Variants in NRXN1 observed in about 807,000 individuals in gnomAD.
NRXN1 encodes neurexin-1.
A neutral mutation model predicts 150.9 loss-of-function variants in NRXN1; 39 were observed. That is an observed-to-expected ratio of 0.26 (90% CI 0.20 to 0.34). NRXN1 has a LOEUF of 0.34. Ranked by LOEUF, NRXN1 falls within the 10% of genes least tolerant of loss-of-function variation. The pLI is 1.00. For missense variants in NRXN1, 1,815 were observed against 1,949.9 expected (o/e 0.93, Z 1.30); for synonymous variants, 924 against 757.0 (o/e 1.22, Z -3.62).
At chr2:50,936,923 A>C (rs1296798017) in intron 2 of NRXN1, among the ~76,000 whole-genome samples, 4 of 152,136 alleles carry the variant, frequency 2.6e-5, no homozygotes, top group Admixed American at 2.6e-4. Flanking sequence ...GAAACTACGA[A>C]TCATTGGAGA....
At chr2:50,267,522 T>C (rs2069039033) in intron 17 of NRXN1, among the ~76,000 whole-genome samples, 1 of 152,184 alleles carries the variant, frequency 6.6e-6, no homozygotes, top group African/African-American at 2.4e-5. Context: ...ACCAACTTTT[T>C]AACTTTTTCA....
At chr2:50,183,792 T>A (rs1052874353) in intron 18 of NRXN1, among the ~76,000 whole-genome samples, 1 of 151,618 alleles carries the variant, frequency 6.6e-6, no homozygotes, top group Non-Finnish European at 1.5e-5. Flanking sequence ...CTTGAGAAAA[T>A]TTGTTTTAAG....
At chr2:50,927,059 C>G (rs190180760) in intron 2 of NRXN1, among the ~76,000 whole-genome samples, 1 of 151,846 alleles carries the variant, frequency 6.6e-6, no homozygotes, top group African/African-American at 2.4e-5. Context: ...GTAAACTCTA[C>G]CCATGTTGAC....
At chr2:50,723,143 G>A (rs1191433240) in intron 5 of NRXN1, among the ~76,000 whole-genome samples, 1 of 152,080 alleles carries the variant, frequency 6.6e-6, no homozygotes, top group Non-Finnish European at 1.5e-5. Context: ...GTAAATCCCT[G>A]AAAGTGTTAA....
intron 5 of NRXN1, among the ~76,000 whole-genome samples, chr2:50,686,680 G>C (rs1158081899): frequency 1.3e-5 from 2 of 152,304 alleles, no homozygotes; most frequent in South Asian, 2.1e-4. Flanking sequence ...CCTTGATTCT[G>C]CTGTATCCAC....
At chr2:50,882,504 C>G (rs1044819433) in intron 5 of NRXN1, among the ~76,000 whole-genome samples, 5 of 151,788 alleles carry the variant, frequency 3.3e-5, no homozygotes, top group African/African-American at 1.2e-4. Flanking sequence ...AGAGTTTAAA[C>G]CATGTTTATC....
intron 18 of NRXN1, among the ~76,000 whole-genome samples, chr2:50,099,072 T>C (rs1700665436): frequency 6.6e-6 from 1 of 152,088 alleles, no homozygotes; most frequent in Non-Finnish European, 1.5e-5. Context: ...CAGGATGCTG[T>C]AGCTCCTTCA....
At chr2:50,176,179 C>A (rs2060343190) in intron 18 of NRXN1, among the ~76,000 whole-genome samples, 4 of 152,060 alleles carry the variant, frequency 2.6e-5, no homozygotes, top group Admixed American at 6.6e-5. Context: ...AAACCAGAAA[C>A]CTTGATATAT....
intron 18 of NRXN1, among the ~76,000 whole-genome samples, chr2:50,227,560 G>A (rs1349319038): frequency 6.6e-6 from 1 of 151,976 alleles, no homozygotes; most frequent in African/African-American, 2.4e-5. Flanking sequence ...TTATCAGCCA[G>A]GTATGTCTTG....
chr2:50,987,908 T>G (rs1382568513), intron 2 of NRXN1, among the ~76,000 whole-genome samples: 1 of 151,930 alleles, frequency 6.6e-6, no homozygotes, highest in Non-Finnish European at 1.5e-5. Flanking sequence ...TGGACGTTAT[T>G]CCAATGATCC....
intron 21 of NRXN1, among the ~76,000 whole-genome samples, chr2:50,019,636 C>G (rs766173013): frequency 6.0e-4 from 8 of 13,278 alleles, no homozygotes; most frequent in Non-Finnish European, 9.8e-4. Context: ...AGCAAGATTC[C>G]GTCTCAAAAA....
intron 2 of NRXN1, among the ~76,000 whole-genome samples, chr2:50,949,983 A>G (rs188110321): frequency 3.9e-5 from 6 of 152,274 alleles, no homozygotes; most frequent in African/African-American, 1.4e-4. Context: ...GCTAACTTAC[A>G]TAACTGTGAA....
chr2:50,436,458 A>G (rs78137972), intron 17 of NRXN1, among the ~76,000 whole-genome samples: 1 of 72,320 alleles, frequency 1.4e-5, no homozygotes, highest in Non-Finnish European at 2.9e-5. Flanking sequence ...CGTCTCAAGG[A>G]AAAAAAAAAA....
chr2:50,663,008 A>G (rs1402182157), intron 5 of NRXN1, among the ~76,000 whole-genome samples: 1 of 152,050 alleles, frequency 6.6e-6, no homozygotes, highest in Non-Finnish European at 1.5e-5. Flanking sequence ...ATTCTGATAA[A>G]TCATTAGGAT....
At chr2:50,554,028 T>G (rs768418113) in intron 8 of NRXN1, among the ~76,000 whole-genome samples, 1 of 152,128 alleles carries the variant, frequency 6.6e-6, no homozygotes, top group Non-Finnish European at 1.5e-5. Context: ...CCATACTTAC[T>G]TGAGGGTGAA....
chr2:50,549,905 T>C (rs1052157672), intron 9 of NRXN1, among the ~76,000 whole-genome samples: 2 of 152,144 alleles, frequency 1.3e-5, no homozygotes. Context: ...CATATGCATA[T>C]ATATACATAC....
At chr2:50,303,143 C>A (rs2074316394) in intron 17 of NRXN1, among the ~76,000 whole-genome samples, 1 of 152,098 alleles carries the variant, frequency 6.6e-6, no homozygotes, top group Non-Finnish European at 1.5e-5. Context: ...GTAACATAAT[C>A]CACATTTTCT....
intron 17 of NRXN1, among the ~76,000 whole-genome samples, chr2:50,278,069 T>C (rs10178455): frequency 0.018 from 31 of 1,724 alleles, no homozygotes; most frequent in East Asian, 0.12. Context: ...CTCTCTCTCT[T>C]TTTTTTTTTT....
intron 2 of NRXN1, among the ~76,000 whole-genome samples, chr2:50,964,304 T>C (rs1395156765): frequency 6.6e-6 from 1 of 151,510 alleles, no homozygotes; most frequent in Non-Finnish European, 1.5e-5. Context: ...GTTTTCAAAA[T>C]GAATTCCTAT....
Sources: gnomAD v4.1 joint callset for allele counts (sites outside exome capture counted in the v4.1 genomes callset) on GRCh38, gnomAD v4.1.1 for gene constraint, MANE v1.5 for transcripts, NCBI Gene and HGNC (gene_info 2026-07-23, HGNC 2026-07-21) for gene names.